NTRK3: variants seen among roughly 807,000 people sequenced by gnomAD.
The protein encoded by NTRK3 is NT-3 growth factor receptor.
A neutral mutation model predicts 91.7 loss-of-function variants in NTRK3; 24 were observed. The observed-to-expected ratio is 0.26, with a 90% confidence interval of 0.19 to 0.37. The LOEUF is 0.37. Ranked by LOEUF, NTRK3 falls within the 10% of genes least tolerant of loss-of-function variation. The pLI, the probability that NTRK3 is intolerant of heterozygous loss-of-function variation, is 1.00. For synonymous variants in NTRK3, 483 were observed against 404.0 expected, an observed-to-expected ratio of 1.20 and a Z score of -2.34; for missense variants, 880 against 1,068.9, an observed-to-expected ratio of 0.82 and a Z score of 2.46.
intron 17 of NTRK3, among the ~76,000 whole-genome samples, chr15:87,889,773 T>C (rs953859911): frequency 6.6e-5 from 10 of 152,178 alleles, no homozygotes; most frequent in Non-Finnish European, 1.5e-4. Flanking sequence ...GTTGTAGTGT[T>C]ATCAAAATAC....
chr15:87,929,401 A>T (rs772577004), exon 17 of NTRK3: 1 of 1,614,106 alleles, frequency 6.2e-7, no homozygotes, highest in African/African-American at 1.3e-5. Context: ...GTGGCTGTCC[A>T]TCCACAAGGA....
At chr15:87,891,780 G>C (rs576839898) in intron 17 of NTRK3, among the ~76,000 whole-genome samples, 1 of 152,112 alleles carries the variant, frequency 6.6e-6, no homozygotes, top group Non-Finnish European at 1.5e-5. Flanking sequence ...TATTGTCCAT[G>C]GGGAAGTGCA....
chr15:88,138,442 C>T (rs148202706), intron 6 of NTRK3, among the ~76,000 whole-genome samples: 4 of 152,252 alleles, frequency 2.6e-5, no homozygotes, highest in South Asian at 2.1e-4. Flanking sequence ...GATATCAGCT[C>T]GAGATGCTCC....
chr15:88,160,076 C>T (rs2044303000), intron 5 of NTRK3, among the ~76,000 whole-genome samples: 1 of 151,798 alleles, frequency 6.6e-6, no homozygotes, highest in Non-Finnish European at 1.5e-5. Context: ...GTGAGGGTCC[C>T]GGGATGAGTG....
rs554050287 is a variant in NTRK3, at chr15:88,126,948, C to T, written c.1293+214G>A. On this transcript the variant is annotated intron_variant, in intron 12 of 18. Transcript: ENST00000394480. ...TAACAGACTGGGGATTTTCTGAACC[C>T]TAGGGCTTGGAGCAGATCGTCAAAC... Among the ~76,000 whole-genome samples the T allele has an allele frequency of 2.6e-5, 4 of 152,306 alleles. No individual in the cohort carries two copies. In the East Asian group the frequency reaches 7.7e-4, roughly 29 times the overall value.
chr15:87,861,572 A>G (rs2141370931), exon 19 of NTRK3: 1 of 194,274 alleles, frequency 5.1e-6, no homozygotes, highest in Middle Eastern at 1.8e-3. Context: ...GGATGTTTAA[A>G]GGACACTTCT....
intron 14 of NTRK3, among the ~76,000 whole-genome samples, chr15:88,027,918 G>T (rs762483795): frequency 1.6e-4 from 25 of 152,188 alleles, no homozygotes; most frequent in Admixed American, 1.0e-3. Context: ...CTAAGCTATG[G>T]GTTAGAAGGA....
In NTRK3 at chr15:87,860,515, A is replaced by G. The variant is rs200403942; in HGVS notation, c.*16420T>C. Reference sequence around the variant, plus strand: ...TTTTACATAAATGACACCTTCACATAAGAGTTTTACTTAGACAATAAACCT... The same window carrying G: ...TTTTACATAAATGACACCTTCACATGAGAGTTTTACTTAGACAATAAACCT... On this transcript the variant is annotated 3_prime_UTR_variant, in exon 19 of 19. Coordinates refer to ENST00000394480, the Ensembl canonical transcript of NTRK3. The G allele has an allele frequency of 4.7e-4, 95 of 202,286 alleles. No individual in the cohort carries two copies. The East Asian group carries it at 7.0e-3, about 15-fold the overall frequency. 12.5% of individuals were successfully genotyped at this position (202,286 alleles called of 1,614,324 possible). A position where few individuals can be genotyped will look rare whatever the true frequency, so the allele number is the denominator to read the frequency against.
At chr15:88,028,036 G>A (rs140453306) in intron 14 of NTRK3, among the ~76,000 whole-genome samples, 1 of 152,248 alleles carries the variant, frequency 6.6e-6, no homozygotes, top group African/African-American at 2.4e-5. Flanking sequence ...GAAAGGAGAG[G>A]GAGTGAGGGT....
At chr15:88,151,322 T>C (rs2043356295) in intron 5 of NTRK3, among the ~76,000 whole-genome samples, 2 of 152,142 alleles carry the variant, frequency 1.3e-5, no homozygotes, top group African/African-American at 4.8e-5. Flanking sequence ...ACAATGATGA[T>C]GTGGCTACTG....
intron 10 of NTRK3, among the ~76,000 whole-genome samples, chr15:88,131,337 C>T (rs950355070): frequency 1.3e-5 from 2 of 152,248 alleles, no homozygotes; most frequent in Non-Finnish European, 2.9e-5. Context: ...CAGATATTCT[C>T]TAACTACTTG....
chr15:88,245,076 A>T (rs1363440325), intron 3 of NTRK3, among the ~76,000 whole-genome samples: 1 of 152,228 alleles, frequency 6.6e-6, no homozygotes, highest in Non-Finnish European at 1.5e-5. Context: ...GTCCCTGTGG[A>T]AGGCATGTAC....
intron 3 of NTRK3, among the ~76,000 whole-genome samples, chr15:88,197,115 A>C (rs924204864): frequency 3.1e-5 from 4 of 129,094 alleles, no homozygotes; most frequent in Admixed American, 7.2e-5. Flanking sequence ...AAAAAAAAAA[A>C]AAAAAAAAAA....
intron 7 of NTRK3, among the ~76,000 whole-genome samples, chr15:88,136,901 C>T (rs1403906885): frequency 1.3e-5 from 2 of 152,200 alleles, no homozygotes; most frequent in Non-Finnish European, 2.9e-5. Context: ...AGCTCAATGG[C>T]ATCATTACAC....
At chr15:88,198,761 G>A (rs976276441) in intron 3 of NTRK3, among the ~76,000 whole-genome samples, 3 of 152,176 alleles carry the variant, frequency 2.0e-5, no homozygotes, top group African/African-American at 4.8e-5. Flanking sequence ...GGGACCAGGT[G>A]GGCTCCAACC....
chr15:88,036,663 C>T (rs1421029013), intron 13 of NTRK3, among the ~76,000 whole-genome samples: 3 of 152,170 alleles, frequency 2.0e-5, no homozygotes, highest in African/African-American at 7.2e-5. Context: ...ATGATGAAGA[C>T]AGGATCCATG....
At chr15:87,998,705 A>G (rs1246932744) in intron 14 of NTRK3, among the ~76,000 whole-genome samples, 4 of 152,210 alleles carry the variant, frequency 2.6e-5, no homozygotes, top group Non-Finnish European at 4.4e-5. Context: ...AGAAACTTCA[A>G]TAGCCATTAT....
chr15:88,198,412 TG>T (rs1365531584), intron 3 of NTRK3, among the ~76,000 whole-genome samples: 4 of 152,204 alleles, frequency 2.6e-5, no homozygotes, highest in African/African-American at 9.7e-5. Flanking sequence ...TCAGTGGAGC[TG>T]AATGTCTCCT....
At chr15:88,194,904 C>G (rs1471900402) in intron 3 of NTRK3, among the ~76,000 whole-genome samples, 1 of 152,162 alleles carries the variant, frequency 6.6e-6, no homozygotes, top group Non-Finnish European at 1.5e-5. Context: ...TTTCCCTCGG[C>G]CAAGACAGCA....
Sources: gnomAD v4.1 joint callset for allele counts (sites outside exome capture counted in the v4.1 genomes callset) on GRCh38, gnomAD v4.1.1 for gene constraint, MANE v1.5 for transcripts, NCBI Gene and HGNC (gene_info 2026-07-23, HGNC 2026-07-21) for gene names.